Variants in SLC38A6 observed in about 807,000 individuals in gnomAD.
The protein encoded by SLC38A6 is N system amino acid transporter NAT-1.
In SLC38A6, 73 loss-of-function variants were observed where a neutral mutation model predicts 65.0. The observed-to-expected ratio is 1.12, with a 90% CI of 0.93 to 1.37. The LOEUF (loss-of-function observed/expected upper bound fraction) is 1.37. Among genes scored for constraint, SLC38A6 ranks in the 40% most tolerant of loss-of-function variants. The pLI, the probability that SLC38A6 is intolerant of heterozygous loss-of-function variation, is 0.00. For synonymous variants in SLC38A6, 183 were observed against 178.8 expected (o/e 1.02, Z -0.19); for missense variants, 561 against 531.1 (o/e 1.06, Z -0.55).
chr14:61,009,030 A>G (rs1477965305), intron 3 of SLC38A6, among the ~76,000 whole-genome samples: 1 of 152,180 alleles, frequency 6.6e-6, no homozygotes, highest in African/African-American at 2.4e-5. Flanking sequence ...AGCTTTACCT[A>G]TTCTAAGAGG....
chr14:61,037,346 G>T (rs1048640159), intron 7 of SLC38A6, among the ~76,000 whole-genome samples: 5 of 152,116 alleles, frequency 3.3e-5, no homozygotes, highest in Non-Finnish European at 5.9e-5. Flanking sequence ...TTGGTTTGCA[G>T]TAGTATTTTG....
chr14:61,004,085 T>G (rs1046716418), intron 3 of SLC38A6, among the ~76,000 whole-genome samples: 3 of 152,192 alleles, frequency 2.0e-5, no homozygotes, highest in African/African-American at 7.2e-5. Context: ...ACTGTTAGTT[T>G]GATTACATTT....
intron 6 of SLC38A6, among the ~76,000 whole-genome samples, chr14:61,031,289 T>C (rs1441616223): frequency 1.3e-5 from 2 of 152,158 alleles, no homozygotes; most frequent in Admixed American, 1.3e-4. Flanking sequence ...CAAACCACAG[T>C]ACAAAACCTG....
chr14:60,994,990 C>T (rs1440004904), intron 3 of SLC38A6, among the ~76,000 whole-genome samples: 1 of 101,626 alleles, frequency 9.8e-6, no homozygotes, highest in African/African-American at 4.0e-5. Flanking sequence ...GGCGACAGAG[C>T]AAGACTCCAT....
chr14:61,000,377 C>A (rs1462640958), intron 3 of SLC38A6, among the ~76,000 whole-genome samples: 3 of 152,222 alleles, frequency 2.0e-5, no homozygotes, highest in African/African-American at 7.2e-5. Flanking sequence ...CGCCTATAAT[C>A]CCAGCACTTT....
chr14:61,011,015 G>A (rs892008619), intron 3 of SLC38A6, among the ~76,000 whole-genome samples: 10 of 152,110 alleles, frequency 6.6e-5, no homozygotes, highest in Non-Finnish European at 1.2e-4. Flanking sequence ...CTACCCATGC[G>A]CATGGAATGT....
chr14:61,017,127 C>T (rs1055233062), intron 4 of SLC38A6, among the ~76,000 whole-genome samples: 5 of 152,194 alleles, frequency 3.3e-5, no homozygotes, highest in East Asian at 3.9e-4. Flanking sequence ...CCACAACCTC[C>T]GCCTCCCTGG....
chr14:61,063,797 G>T (rs187687060), intron 15 of SLC38A6, among the ~76,000 whole-genome samples: 19 of 152,264 alleles, frequency 1.2e-4, no homozygotes, highest in African/African-American at 3.1e-4. Flanking sequence ...TCAGTGTAAG[G>T]CACACTACGT....
At chr14:61,022,103 A>G (rs970856968) in intron 5 of SLC38A6, among the ~76,000 whole-genome samples, 2 of 152,152 alleles carry the variant, frequency 1.3e-5, no homozygotes, top group Non-Finnish European at 2.9e-5. Flanking sequence ...AATTTGGCAC[A>G]TTGGGAGGCA....
chr14:61,066,178 T>G (rs950594994), intron 15 of SLC38A6, among the ~76,000 whole-genome samples: 1 of 152,220 alleles, frequency 6.6e-6, no homozygotes, highest in African/African-American at 2.4e-5. Context: ...ACACAATTTA[T>G]TCTTCTGATA....
chr14:61,008,345 C>G (rs2039306260), intron 3 of SLC38A6, among the ~76,000 whole-genome samples: 1 of 151,950 alleles, frequency 6.6e-6, no homozygotes, highest in Admixed American at 6.6e-5. Context: ...CTGTATCTGG[C>G]TTAAAAAATG....
Position 61,052,052 on chromosome 14 carries a change from T to A in SLC38A6, c.1207T>A (p.Ser403Thr). 6.3e-7 allele frequency: 1 copy of A among 1,596,504 alleles called. No homozygotes were observed. Among genetic ancestry groups the A allele is most frequent in the Non-Finnish European group, 8.5e-7 (1 of 1,175,348 alleles). The change falls in exon 15 of 16, where the codon TCA (serine) becomes ACA (threonine). Residue 403 changes from serine (S) to threonine (T), a missense_variant. Physicochemically the swap from Ser to Thr is moderately conservative, Grantham distance 58. Transcript: ENST00000267488. Reference protein sequence around the residue: ...NVFGVVGASTSTCLIFIFPGL... With the variant: ...NVFGVVGASTTTCLIFIFPGL... ...CCTCCACTTTAAAGGTGCCAGTACATCAACATGTTTGATTTTTATATTCCC... is the reference window on the plus strand; with the variant it reads ...CCTCCACTTTAAAGGTGCCAGTACAACAACATGTTTGATTTTTATATTCCC...
intron 15 of SLC38A6, among the ~76,000 whole-genome samples, chr14:61,073,393 G>C (rs1261970766): frequency 6.6e-6 from 1 of 152,022 alleles, no homozygotes; most frequent in Non-Finnish European, 1.5e-5. Flanking sequence ...CCTCTTAAAG[G>C]CTCCATCTCC....
intron 3 of SLC38A6, among the ~76,000 whole-genome samples, chr14:61,006,926 A>C (rs1179203373): frequency 6.6e-6 from 1 of 152,252 alleles, no homozygotes; most frequent in African/African-American, 2.4e-5. Flanking sequence ...ACCAAGCCAA[A>C]TGTCCAACAA....
At chr14:61,035,447 G>T (rs1449276995) in intron 6 of SLC38A6, among the ~76,000 whole-genome samples, 3 of 151,788 alleles carry the variant, frequency 2.0e-5, no homozygotes, top group African/African-American at 2.4e-5. Context: ...TCAAATGTTG[G>T]GTATATAGAG....
Position 61,037,607 on chromosome 14 carries a change from T to C in SLC38A6, c.566-18T>C. On this transcript the variant is annotated intron_variant, in intron 7 of 15. Coordinates refer to ENST00000267488, the MANE Select transcript of SLC38A6 (RefSeq NM_153811.3). The stretch of plus-strand genomic sequence containing the variant: ...GCTTTCCTTATAAATTGCTTTTTAT[T>C]TTACTGTTATTTTACAGGCTTTCTT... 1 of 1,552,888 alleles carries C rather than the reference T, an allele frequency of 6.4e-7. No homozygotes were observed. The highest frequency in any genetic ancestry group is 8.8e-7 in the Non-Finnish European group (1 of 1,138,054).
At chr14:60,994,077 G>C (rs999619578) in intron 3 of SLC38A6, among the ~76,000 whole-genome samples, 8 of 152,154 alleles carry the variant, frequency 5.3e-5, no homozygotes, top group African/African-American at 1.4e-4. Context: ...CATCAGTAGT[G>C]CTCCTTGGTA....
chr14:61,001,645 G>T (rs1265213338), intron 3 of SLC38A6, among the ~76,000 whole-genome samples: 1 of 152,030 alleles, frequency 6.6e-6, no homozygotes, highest in Non-Finnish European at 1.5e-5. Context: ...TTTTTTTGGT[G>T]ATTGCCTCTC....
intron 1 of SLC38A6, 112 bp from the exon 2 acceptor site, chr14:60,982,396 A>G (rs1566599228): frequency 7.0e-7 from 1 of 1,422,742 alleles, no homozygotes; most frequent in Non-Finnish European, 9.8e-7. Context: ...GTGTCATACA[A>G]ACCCTGGTGG....
Sources: gnomAD v4.1 joint callset for allele counts (sites outside exome capture counted in the v4.1 genomes callset) on GRCh38, gnomAD v4.1.1 for gene constraint, MANE v1.5 for transcripts, NCBI Gene and HGNC (gene_info 2026-07-23, HGNC 2026-07-21) for gene names.